Variants in PACRG observed in about 807,000 individuals in gnomAD.
PACRG encodes parkin coregulated gene protein.
Under a neutral mutation model 29.7 loss-of-function variants are expected in PACRG, and 29 were observed. The ratio of observed to expected loss-of-function variants is 0.98; its 90% CI spans 0.73 to 1.33. The LOEUF is 1.33. PACRG is among the 40% of genes most tolerant of loss of function. PACRG has a pLI of 0.00. For synonymous variants in PACRG, 116 were observed against 118.7 expected (o/e 0.98, Z 0.15); for missense variants, 279 against 316.2 (o/e 0.88, Z 0.89).
At chr6:163,125,880 A>T (rs778227243) in intron 4 of PACRG, among the ~76,000 whole-genome samples, 1 of 152,246 alleles carries the variant, frequency 6.6e-6, no homozygotes. Context: ...TTTCTGAAAT[A>T]GTAAATATTT....
At chr6:162,825,722 G>T (rs932164152) in intron 2 of PACRG, among the ~76,000 whole-genome samples, 1 of 152,058 alleles carries the variant, frequency 6.6e-6, no homozygotes, top group Non-Finnish European at 1.5e-5. Context: ...GCCTTCTGTG[G>T]GAGGCCCTCG....
At chr6:163,169,936 T>C (rs113411558) in intron 4 of PACRG, among the ~76,000 whole-genome samples, 1 of 152,214 alleles carries the variant, frequency 6.6e-6, no homozygotes, top group Non-Finnish European at 1.5e-5. Flanking sequence ...GACGGCCACT[T>C]TCTCGCTGTG....
intron 2 of PACRG, among the ~76,000 whole-genome samples, chr6:162,968,169 A>C (rs2128154958): frequency 6.6e-6 from 1 of 152,272 alleles, no homozygotes; most frequent in Non-Finnish European, 1.5e-5. Flanking sequence ...CTCCTCAGAG[A>C]GTTTCTCTCT....
At chr6:163,259,893 G>T (rs1381812044) in intron 4 of PACRG, among the ~76,000 whole-genome samples, 1 of 152,214 alleles carries the variant, frequency 6.6e-6, no homozygotes, top group East Asian at 1.9e-4. Flanking sequence ...GGGCAGTGGA[G>T]CTGATGGAGG....
At chr6:162,929,360 C>A (rs984136088) in intron 2 of PACRG, among the ~76,000 whole-genome samples, 2 of 151,214 alleles carry the variant, frequency 1.3e-5, no homozygotes, top group Admixed American at 6.6e-5. Context: ...TGATTATACA[C>A]CCATTGGCTA....
At chr6:162,894,162 A>G (rs1794989421) in intron 2 of PACRG, among the ~76,000 whole-genome samples, 1 of 152,146 alleles carries the variant, frequency 6.6e-6, no homozygotes, top group Non-Finnish European at 1.5e-5. Context: ...ACTGCTGATG[A>G]ATATGATAAT....
Position 163,021,318 on chromosome 6 carries a change from C to A in PACRG, c.292-40832C>A, listed in dbSNP as rs533489380. On this transcript the variant is annotated intron_variant, in intron 2 of 4. Coordinates refer to ENST00000366888, the MANE Select transcript of PACRG (RefSeq NM_001080379.2). ...ATCTGGGTTGATCGACAGCACTGTGCACACAGTACCCAAGATAGAAGCCAG... is the reference window on the plus strand; with the variant it reads ...ATCTGGGTTGATCGACAGCACTGTGAACACAGTACCCAAGATAGAAGCCAG... 3.9e-5 allele frequency among the ~76,000 whole-genome samples: 6 copies of A among 152,330 alleles called. No homozygotes were observed. In the East Asian group the frequency reaches 1.2e-3, roughly 29 times the overall value.
At chr6:162,914,368 GGAATA>G (rs970886781) in intron 2 of PACRG, among the ~76,000 whole-genome samples, 2 of 151,998 alleles carry the variant, frequency 1.3e-5, no homozygotes, top group African/African-American at 4.8e-5. Context: ...GTATACATAT[GGAATA>G]GAATAGACGG....
chr6:163,267,791 C>A (rs975153018), intron 4 of PACRG, among the ~76,000 whole-genome samples: 3 of 152,182 alleles, frequency 2.0e-5, no homozygotes, highest in Non-Finnish European at 4.4e-5. Flanking sequence ...AACTCCCATA[C>A]GGTCCCTAAT....
At chr6:163,220,510 G>A (rs1781542536) in intron 4 of PACRG, among the ~76,000 whole-genome samples, 2 of 152,180 alleles carry the variant, frequency 1.3e-5, no homozygotes, top group Non-Finnish European at 2.9e-5. Context: ...GGAGAAGATG[G>A]CACAGAAAAG....
intron 2 of PACRG, among the ~76,000 whole-genome samples, chr6:163,005,416 C>A (rs925442272): frequency 6.6e-6 from 1 of 151,838 alleles, no homozygotes; most frequent in African/African-American, 2.4e-5. Context: ...GACCTTTCTT[C>A]TTCTTTTCTA....
intron 1 of PACRG, among the ~76,000 whole-genome samples, chr6:162,755,420 CCTT>C (rs937522985): frequency 3.3e-5 from 5 of 151,580 alleles, no homozygotes; most frequent in African/African-American, 9.7e-5. Context: ...TCCTCCTCCT[CCTT>C]CTTCTTCCTT....
Position 163,172,608 on chromosome 6 carries a change from C to G in PACRG, c.613+83200C>G, listed in dbSNP as rs377492017. ...TCATTGATTAACACAATTTCTTGCT[C>G]TCTTGACTTCTGGTGGATCCTGAAA... On this transcript the variant is annotated intron_variant, in intron 4 of 4. Coordinates refer to ENST00000366888, the MANE Select transcript of PACRG (RefSeq NM_001080379.2). Among the ~76,000 whole-genome samples, 53 of 152,294 alleles carry G rather than the reference C, an allele frequency of 3.5e-4. No individual in the cohort carries two copies. The South Asian group carries it at 5.2e-3, about 15-fold the overall frequency.
intron 4 of PACRG, among the ~76,000 whole-genome samples, chr6:163,243,622 A>G (rs897732657): frequency 6.6e-6 from 1 of 152,094 alleles, no homozygotes; most frequent in Non-Finnish European, 1.5e-5. Context: ...CTGGGTCCTC[A>G]GTCACCACCT....
chr6:163,201,531 T>C (rs1780698528), intron 4 of PACRG, among the ~76,000 whole-genome samples: 1 of 152,194 alleles, frequency 6.6e-6, no homozygotes, highest in African/African-American at 2.4e-5. Flanking sequence ...GAGGTGGGGC[T>C]GGGCAAAGAC....
chr6:162,931,343 A>G (rs914368413), intron 2 of PACRG, among the ~76,000 whole-genome samples: 2 of 151,618 alleles, frequency 1.3e-5, no homozygotes, highest in Non-Finnish European at 3.0e-5. Flanking sequence ...CAGTTTTATC[A>G]ATTTATTCTT....
At chr6:163,100,625 C>T (rs1011387871) in intron 4 of PACRG, 1 of 301,336 alleles carries the variant, frequency 3.3e-6, no homozygotes, top group African/African-American at 2.3e-5. Context: ...GGTCGAGGGA[C>T]CCTCGTGTCA....
intron 1 of PACRG, among the ~76,000 whole-genome samples, chr6:162,795,271 G>T (rs1254111836): frequency 5.3e-5 from 8 of 152,124 alleles, no homozygotes; most frequent in Non-Finnish European, 1.5e-5. Flanking sequence ...GCTGGCCGCT[G>T]TATGACTCTT....
intron 4 of PACRG, among the ~76,000 whole-genome samples, chr6:163,246,050 G>A (rs1445433478): frequency 5.3e-5 from 8 of 152,100 alleles, no homozygotes; most frequent in South Asian, 4.1e-4. Flanking sequence ...CTCTGCTTCC[G>A]GGACAGCCCA....
Sources: allele counts gnomAD v4.1 joint callset (sites outside exome capture counted in the v4.1 genomes callset), GRCh38; gene constraint gnomAD v4.1.1; transcripts MANE v1.5; gene names NCBI Gene and HGNC (gene_info 2026-07-23, HGNC 2026-07-21).